The following JUP variants were observed in gnomAD, a reference collection of about 807,000 sequenced individuals.
The protein encoded by JUP is catenin (cadherin-associated protein), gamma 80kDa.
JUP carries 28 observed loss-of-function variants against 71.1 expected under a neutral mutation model. The observed-to-expected ratio is 0.39, with a 90% CI of 0.29 to 0.54. The LOEUF is 0.54. Among genes scored for constraint, JUP ranks in the 20% least tolerant of loss-of-function variants. The probability of loss-of-function intolerance (pLI) is 0.62; values close to 1 mark genes in which losing one functional copy is unlikely to be tolerated. For synonymous variants in JUP, 401 were observed against 438.9 expected, an observed-to-expected ratio of 0.91 and a Z score of 1.08; for missense variants, 869 against 1,030.1, an observed-to-expected ratio of 0.84 and a Z score of 2.14.
chr17:41,757,649 G>A lies in JUP; in HGVS notation c.1909C>T (p.Arg637Cys), dbSNP rs531732438. The A allele has an allele frequency of 7.3e-5, 117 of 1,613,638 alleles. No individual in the cohort carries two copies. The highest frequency in any genetic ancestry group is 1.2e-4 in the African/African-American group (9 of 75,034). ...SAPLMELLHS[R>C]NEGTATYAAA... is the part of the protein sequence containing the mutation. ...CCCAGCTCACCAGTGCCCTCGTTGC[G>A]GGAGTGCAGCAACTCCATGAGTGGG... Residue 637 changes from arginine to cysteine, a missense_variant, in exon 11 of 14, where the codon CGC (arginine) becomes TGC (cysteine). Coordinates refer to ENST00000393931, the MANE Select transcript of JUP (RefSeq NM_002230.4).
At chr17:41,758,356 C>CA (rs781867159) in intron 10 of JUP, 43 bp downstream of exon 10, 9 of 1,611,076 alleles carry the variant, frequency 5.6e-6, no homozygotes, top group Non-Finnish European at 6.8e-6. Context: ...GCCCTTTAAG[C>CA]AGTGGTGGGG....
chr17:41,764,533 A>AG (rs561986196), intron 7 of JUP, among the ~76,000 whole-genome samples, 180 bp downstream of exon 7: 15 of 131,812 alleles, frequency 1.1e-4, no homozygotes, highest in East Asian at 4.3e-4. Flanking sequence ...AGACTCCGTC[A>AG]GAAAAAAAAA....
At chr17:41,757,087 G>A (rs1158813913) in intron 12 of JUP, among the ~76,000 whole-genome samples, 1 of 152,090 alleles carries the variant, frequency 6.6e-6, no homozygotes, top group Non-Finnish European at 1.5e-5. Context: ...GCAGCTCAGG[G>A]GAGGAGGCAG....
At chr17:41,777,441 G>T (rs2046940107) in intron 1 of JUP, among the ~76,000 whole-genome samples, 1 of 152,240 alleles carries the variant, frequency 6.6e-6, no homozygotes, top group African/African-American at 2.4e-5. Flanking sequence ...AGATGGACAT[G>T]ATGGCTTCCC....
chr17:41,758,511 A>G lies in JUP; in HGVS notation c.1661T>C (p.Val554Ala). ...GCCCTCCACAATCTCCTCCATCCTC[A>G]CACCATCCTGTGTGAGAGGAGGCAG... Reference protein sequence around the residue: ...AGTQQPYTDGVRMEEIVEGCT... With the variant: ...AGTQQPYTDGARMEEIVEGCT... Residue 554 changes from valine (V) to alanine (A), a missense_variant, in exon 10 of 14, where the codon GTG becomes GCG. Transcript: ENST00000393931. 1 of 1,611,060 alleles carries G rather than the reference A, an allele frequency of 6.2e-7. No homozygotes were observed. The highest frequency in any genetic ancestry group is 1.1e-5 in the South Asian group (1 of 90,980).
chr17:41,766,962 A>G (rs1015292682), intron 5 of JUP, among the ~76,000 whole-genome samples: 25 of 151,632 alleles, frequency 1.6e-4, no homozygotes, highest in African/African-American at 6.1e-4. Context: ...TAGGAGGATC[A>G]TCTGAGCCCA....
At position 41,757,401 on chromosome 17, in the gene JUP, C is replaced by A. The variant is rs1555598526; in HGVS notation, c.2046+14G>T. Reference sequence around the variant, plus strand: ...TGCACAACCAACTACTGTGGTCCAACCTAGGATACTCACAGCCTCCCAGGC... The same window carrying A: ...TGCACAACCAACTACTGTGGTCCAAACTAGGATACTCACAGCCTCCCAGGC... On this transcript the variant is annotated intron_variant, in intron 12 of 13. Coordinates refer to ENST00000393931, the MANE Select transcript of JUP (RefSeq NM_002230.4). 1 of 1,614,094 alleles carries A rather than the reference C, an allele frequency of 6.2e-7. No homozygotes were observed. Among genetic ancestry groups the A allele is most frequent in the Admixed American group, 1.7e-5 (1 of 60,022 alleles).
chr17:41,768,126 T>A (rs1223893756), intron 4 of JUP, among the ~76,000 whole-genome samples: 1 of 152,044 alleles, frequency 6.6e-6, no homozygotes, highest in Non-Finnish European at 1.5e-5. Context: ...GAGCTGGGCA[T>A]GGTGGCAGAC....
intron 10 of JUP, 46 bp downstream of exon 10, chr17:41,758,353 A>G (rs1555599323): frequency 1.2e-6 from 2 of 1,610,768 alleles, no homozygotes; most frequent in Non-Finnish European, 1.7e-6. Context: ...CTTGCCCTTT[A>G]AGCAGTGGTG....
At position 41,767,164 on chromosome 17, in the gene JUP, G is replaced by A. The variant is rs1256856932; in HGVS notation, c.909+215C>T. 6.6e-5 allele frequency among the ~76,000 whole-genome samples: 10 copies of A among 151,796 alleles called. No individual in the cohort carries two copies. In the East Asian group the frequency reaches 7.7e-4, roughly 12 times the overall value. ...AGAACAGCTCTTAAGGAAGCACATCGAAATGACAATAGTGGCTATATGAGG... is the reference window on the plus strand; with the variant it reads ...AGAACAGCTCTTAAGGAAGCACATCAAAATGACAATAGTGGCTATATGAGG... On this transcript the variant is annotated intron_variant, in intron 5 of 13. Coordinates refer to ENST00000393931, the MANE Select transcript of JUP (RefSeq NM_002230.4).
At chr17:41,762,882 C>G in intron 8 of JUP, 101 bp downstream of exon 8, 1 of 894,718 alleles carries the variant, frequency 1.1e-6, no homozygotes, top group South Asian at 1.4e-5. Flanking sequence ...CTTATTCGAG[C>G]CACTGTATTT....
chr17:41,758,245 G>A (rs1277659387), intron 10 of JUP, 154 bp downstream of exon 10: 8 of 839,744 alleles, frequency 9.5e-6, no homozygotes, highest in Non-Finnish European at 1.5e-5. Flanking sequence ...CATGCAGGGG[G>A]TTGCTAAGTA....
Position 41,758,697 on chromosome 17 carries a change from C to T in JUP, c.1653+18G>A, listed in dbSNP as rs1057520950. 55 of 1,598,114 alleles carry T rather than the reference C, an allele frequency of 3.4e-5. No individual in the cohort carries two copies. Among genetic ancestry groups the T allele is most frequent in the Non-Finnish European group, 4.5e-5 (53 of 1,173,010 alleles). On this transcript the variant is annotated intron_variant, in intron 9 of 13. Coordinates refer to ENST00000393931, the MANE Select transcript of JUP (RefSeq NM_002230.4). Reference sequence around the variant, plus strand: ...GACCCCCCAGGAAGGCTGTCAGAGGCACCACCAGCTCACATACCGTGTAGG... The same window carrying T: ...GACCCCCCAGGAAGGCTGTCAGAGGTACCACCAGCTCACATACCGTGTAGG...
At chr17:41,765,360 T>G (rs1433987677) in intron 5 of JUP, among the ~76,000 whole-genome samples, 2 of 145,868 alleles carry the variant, frequency 1.4e-5, no homozygotes, top group Non-Finnish European at 3.0e-5. Flanking sequence ...GTTTTTTTGT[T>G]TTTTTTTTTG....
chr17:41,762,176 A>AGAGAGAGT (rs1914988239), intron 8 of JUP, among the ~76,000 whole-genome samples: 8 of 44,834 alleles, frequency 1.8e-4, no homozygotes, highest in Admixed American at 3.3e-4. Flanking sequence ...AGAGAGAGAG[A>AGAGAGAGT]GTGTGTGTGT....
intron 1 of JUP, among the ~76,000 whole-genome samples, chr17:41,777,540 C>T (rs1265955526): frequency 6.6e-6 from 1 of 152,256 alleles, no homozygotes; most frequent in African/African-American, 2.4e-5. Context: ...CTCCTGCAGA[C>T]TACAGGTTCT....
In JUP at chr17:41,771,862, A is replaced by C. The variant is rs1916706967; in HGVS notation, c.-8T>G. 9.3e-6 allele frequency: 15 copies of C among 1,605,412 alleles called. No homozygotes were observed. Among genetic ancestry groups the C allele is most frequent in the Non-Finnish European group, 1.3e-5 (15 of 1,175,874 alleles). ...CAGGTTCATCACCTCCATCGTGGCT[A>C]CTGGGGGCACAAAGGAGGAAGTCAG... On this transcript the variant is annotated splice_region_variant and 5_prime_UTR_variant, in exon 2 of 14. Coordinates refer to ENST00000393931, the MANE Select transcript of JUP (RefSeq NM_002230.4).
chr17:41,758,647 C>T (rs1555599611), intron 9 of JUP, 68 bp downstream of exon 9: 1 of 1,585,682 alleles, frequency 6.3e-7, no homozygotes, highest in Non-Finnish European at 8.6e-7. Flanking sequence ...TCCCCATTCA[C>T]ACACACACCC....
At chr17:41,772,056 T>G in intron 1 of JUP, 194 bp from the exon 2 acceptor site, 1 of 664,348 alleles carries the variant, frequency 1.5e-6, no homozygotes, top group East Asian at 2.7e-5. Context: ...CACGACGAGA[T>G]ACCCTGGGAG....
Sources: allele counts gnomAD v4.1 joint callset (sites outside exome capture counted in the v4.1 genomes callset), GRCh38; gene constraint gnomAD v4.1.1; transcripts MANE v1.5; gene names NCBI Gene and HGNC (gene_info 2026-07-23, HGNC 2026-07-21).